The following STXBP4 variants were observed in gnomAD, a reference collection of about 807,000 sequenced individuals.
STXBP4 encodes the protein syntaxin-binding protein 4.
STXBP4 carries 55 observed loss-of-function variants against 76.1 expected under a neutral mutation model. That is an observed-to-expected ratio of 0.72 (90% CI 0.58 to 0.91). STXBP4 has a LOEUF of 0.91. Ranked by LOEUF, STXBP4 falls within the 40% of genes least tolerant of loss-of-function variation. The probability of loss-of-function intolerance (pLI) is 0.00; values close to 1 mark genes in which losing one functional copy is unlikely to be tolerated. For synonymous variants in STXBP4, 201 were observed against 220.2 expected, an observed-to-expected ratio of 0.91 and a Z score of 0.77; for missense variants, 618 against 636.9, an observed-to-expected ratio of 0.97 and a Z score of 0.32.
intron 16 of STXBP4, among the ~76,000 whole-genome samples, chr17:55,114,068 C>A (rs1396932372): frequency 1.3e-5 from 2 of 152,080 alleles, no homozygotes; most frequent in East Asian, 3.9e-4. Flanking sequence ...ATCCTATACT[C>A]TTTCCACCTT....
rs2080417524 is a variant in STXBP4, at chr17:55,173,515, C to T, written c.*13604C>T. The T allele has an allele frequency of 6.6e-6, 1 of 152,152 alleles. No homozygotes were observed. Among genetic ancestry groups the T allele is most frequent in the Non-Finnish European group, 1.5e-5 (1 of 68,024 alleles). The allele number at this position is 152,152 out of a possible 1,614,324, so 9.4% of individuals were successfully genotyped here. On this transcript the variant is annotated 3_prime_UTR_variant, in exon 18 of 18. Transcript: ENST00000376352. The stretch of plus-strand genomic sequence containing the variant: ...GTGTATCAGTAGTTTGTTTTTATTA[C>T]TGGGTTATAGTTCATTGTATGGATA...
chr17:55,192,547 C>T, the STXBP4 span, among the ~76,000 whole-genome samples: 2 of 152,186 alleles, frequency 1.3e-5, no homozygotes, highest in South Asian at 4.1e-4. Context: ...GACCAGGACT[C>T]CTACATCAAT....
At chr17:55,113,166 G>A in intron 16 of STXBP4, among the ~76,000 whole-genome samples, 1 of 149,848 alleles carries the variant, frequency 6.7e-6, no homozygotes. Flanking sequence ...AAATGGTATA[G>A]GATATTGTAT....
At chr17:55,105,023 A>G (rs537320411) in intron 16 of STXBP4, among the ~76,000 whole-genome samples, 1 of 151,560 alleles carries the variant, frequency 6.6e-6, no homozygotes, top group South Asian at 2.1e-4. Flanking sequence ...TCTCTTCTTT[A>G]TTAGTCTGGC....
chr17:55,049,464 T>C (rs530053554), intron 12 of STXBP4, among the ~76,000 whole-genome samples: 1 of 152,038 alleles, frequency 6.6e-6, no homozygotes, highest in South Asian at 2.1e-4. Flanking sequence ...GAAAACAGAA[T>C]ACATCATTTT....
the STXBP4 span, among the ~76,000 whole-genome samples, chr17:55,193,005 G>A: frequency 1.3e-5 from 2 of 152,152 alleles, no homozygotes; most frequent in African/African-American, 2.4e-5. Context: ...CTGCACAAGT[G>A]CACAAAAGAT....
In STXBP4 at chr17:55,031,780, C is replaced by T. The variant is rs564200982; in HGVS notation, c.763+516C>T. 3.0e-4 allele frequency among the ~76,000 whole-genome samples: 46 copies of T among 152,250 alleles called. 1 individual carries two copies. The highest frequency in any genetic ancestry group is 6.8e-3 in the Middle Eastern group (2 of 294). On this transcript the variant is annotated intron_variant, in intron 9 of 17. Coordinates refer to ENST00000376352, the MANE Select transcript of STXBP4 (RefSeq NM_178509.6). ...AACCCACATATAGTAAAAGTTTACC[C>T]TCCACATATGTGGCTTTTCCAACCT...
Position 55,163,222 on chromosome 17 carries a change from T to G in STXBP4, c.*3311T>G, listed in dbSNP as rs1307954327. On this transcript the variant is annotated 3_prime_UTR_variant, in exon 18 of 18. Transcript: ENST00000376352. ...ATGTTCCTATAGATTTTCTGGGTTT[T>G]TTTTTTTTTTTTGTCCTTGGAAGAA... The G allele has an allele frequency of 1.3e-5, 2 of 151,252 alleles. No homozygotes were observed. The highest frequency in any genetic ancestry group is 6.6e-5 in the Admixed American group (1 of 15,188). 9.4% of individuals were successfully genotyped at this position (151,252 alleles called of 1,614,324 possible). A position where few individuals can be genotyped will look rare whatever the true frequency, so the allele number is the denominator to read the frequency against.
chr17:55,176,690 C>T (rs576775255), downstream of STXBP4, among the ~76,000 whole-genome samples: 11 of 152,252 alleles, frequency 7.2e-5, no homozygotes, highest in South Asian at 1.2e-3. Flanking sequence ...CTAGGTGTGT[C>T]TGTGAGGGTG....
At chr17:55,151,984 A>T (rs1994234) in intron 17 of STXBP4, among the ~76,000 whole-genome samples, 1 of 151,912 alleles carries the variant, frequency 6.6e-6, no homozygotes. Flanking sequence ...TAGTAGTGTT[A>T]GTTATTTGGT....
chr17:54,990,721 G>C (rs1247878429), intron 3 of STXBP4, 104 bp from the exon 4 acceptor site: 3 of 1,370,114 alleles, frequency 2.2e-6, no homozygotes, highest in Non-Finnish European at 9.7e-7. Flanking sequence ...AAGGTGAGGG[G>C]TTGCTGCTCT....
intron 12 of STXBP4, among the ~76,000 whole-genome samples, chr17:55,057,819 CTG>C (rs1363087980): frequency 6.6e-6 from 1 of 152,060 alleles, no homozygotes; most frequent in African/African-American, 2.4e-5. Context: ...TTTTCTGTTC[CTG>C]TGTTAGTTTG....
the STXBP4 span, among the ~76,000 whole-genome samples, chr17:55,200,562 G>T: frequency 3.9e-5 from 6 of 152,094 alleles, no homozygotes; most frequent in Non-Finnish European, 8.8e-5. Context: ...CTTCTTTGTT[G>T]CTCAAGATCA....
At chr17:55,093,238 C>T (rs989004161) in intron 16 of STXBP4, among the ~76,000 whole-genome samples, 1 of 152,130 alleles carries the variant, frequency 6.6e-6, no homozygotes, top group Non-Finnish European at 1.5e-5. Context: ...GATCTGCCCC[C>T]CTCGGCCTCC....
At chr17:55,157,110 C>G (rs967227742) in intron 17 of STXBP4, among the ~76,000 whole-genome samples, 13 of 152,198 alleles carry the variant, frequency 8.5e-5, no homozygotes, top group African/African-American at 2.7e-4. Context: ...GTTTTTCTTC[C>G]TTCCCATCTC....
In STXBP4 at chr17:55,078,079, A is replaced by C. The variant is rs750351822; in HGVS notation, c.1190A>C (p.Glu397Ala). The change falls in exon 14 of 18, where the codon GAA becomes GCA. Residue 397 changes from glutamate (E) to alanine (A), a missense_variant and splice_region_variant. Coordinates refer to ENST00000376352, the MANE Select transcript of STXBP4 (RefSeq NM_178509.6). The part of the protein sequence containing the change: ...QLADYSDQNK[E>A]SVQDLKKRIM... Reference sequence around the variant, plus strand: ...GCTCCTTTTGATATCTCTGTGCAGGAAAGTGTTCAGGATTTAAAAAAGAGA... The same window carrying C: ...GCTCCTTTTGATATCTCTGTGCAGGCAAGTGTTCAGGATTTAAAAAAGAGA... 1.9e-5 allele frequency: 30 copies of C among 1,598,338 alleles called. No individual in the cohort carries two copies. The highest frequency in any genetic ancestry group is 2.6e-5 in the Non-Finnish European group (30 of 1,170,000).
chr17:55,006,530 G>A (rs17818040), intron 7 of STXBP4, among the ~76,000 whole-genome samples: 45,746 of 151,962 alleles, frequency 0.3, 7,214 homozygotes, highest in African/African-American at 0.36. Context: ...ACAAACTTTG[G>A]CATATTAAAA....
At chr17:54,975,475 T>C (rs2077460204) in intron 1 of STXBP4, among the ~76,000 whole-genome samples, 1 of 151,974 alleles carries the variant, frequency 6.6e-6, no homozygotes. Flanking sequence ...TGACAGACAG[T>C]CTCACATGAT....
chr17:54,982,282 G>A (rs867255168), intron 1 of STXBP4, among the ~76,000 whole-genome samples: 1 of 152,062 alleles, frequency 6.6e-6, no homozygotes, highest in African/African-American at 2.4e-5. Context: ...CACCATATGC[G>A]TTATGGACAG....
Sources: gnomAD v4.1 joint callset for allele counts (sites outside exome capture counted in the v4.1 genomes callset) on GRCh38, gnomAD v4.1.1 for gene constraint, MANE v1.5 for transcripts, NCBI Gene and HGNC (gene_info 2026-07-23, HGNC 2026-07-21) for gene names.